TBL1Y: variants seen among roughly 807,000 people sequenced by gnomAD.
The protein encoded by TBL1Y is transducin beta like 1 Y-linked, also known as F-box-like/WD repeat-containing protein TBL1Y.
A neutral mutation model predicts 12.0 loss-of-function variants in TBL1Y; 15 were observed. The observed-to-expected ratio is 1.25, with a 90% CI of 0.83 to 1.92. TBL1Y has a LOEUF of 1.92. TBL1Y is among the 40% of genes most tolerant of loss of function. The probability of loss-of-function intolerance (pLI) is 0.00; values close to 1 mark genes in which losing one functional copy is unlikely to be tolerated. For missense variants in TBL1Y, 148 were observed against 116.7 expected (o/e 1.27, Z -1.24); for synonymous variants, 53 against 42.6 (o/e 1.24, Z -0.95).
chrY:7,037,552 T>G, intron 6 of TBL1Y, among the ~76,000 whole-genome samples: 1 of 33,684 alleles, frequency 3.0e-5, no homozygotes, highest in African/African-American at 1.2e-4. Flanking sequence ...CAACTGTATA[T>G]AAAAGCAGGT....
chrY:7,087,572 A>G, intron 17 of TBL1Y, 140 bp downstream of exon 17: 1 of 151,889 alleles, frequency 6.6e-6, no homozygotes, highest in East Asian at 1.5e-4. Flanking sequence ...GATGCTGTCC[A>G]TCTTGCACCC....
intron 2 of TBL1Y, among the ~76,000 whole-genome samples, chrY:6,945,845 T>C: frequency 5.9e-5 from 2 of 33,903 alleles, no homozygotes; most frequent in Admixed American, 5.3e-4. Flanking sequence ...TTACCTTCCA[T>C]GGAAACCCAG....
intron 2 of TBL1Y, among the ~76,000 whole-genome samples, chrY:6,948,074 A>G: frequency 6.0e-5 from 2 of 33,611 alleles, no homozygotes; most frequent in African/African-American, 1.2e-4. Context: ...AATAGTATGG[A>G]TTTAAAAAAT....
chrY:7,064,783 G>A (rs184804870), intron 8 of TBL1Y, among the ~76,000 whole-genome samples: 40 of 33,127 alleles, frequency 1.2e-3, no homozygotes, highest in African/African-American at 4.4e-3. Context: ...TGGGTGGGAG[G>A]GTGTGTATAT....
intron 7 of TBL1Y, among the ~76,000 whole-genome samples, chrY:7,059,879 A>C: frequency 3.0e-5 from 1 of 33,475 alleles, no homozygotes; most frequent in African/African-American, 1.2e-4. Context: ...TTAGTGTTAA[A>C]CTTAGTTTTA....
intron 6 of TBL1Y, among the ~76,000 whole-genome samples, chrY:7,041,398 C>T (rs2012721158): frequency 3.0e-5 from 1 of 33,340 alleles, no homozygotes; most frequent in Non-Finnish European, 7.4e-5. Flanking sequence ...GCAGTGAGGT[C>T]CTGCTTCATC....
At chrY:7,062,684 T>G in intron 7 of TBL1Y, among the ~76,000 whole-genome samples, 1 of 33,236 alleles carries the variant, frequency 3.0e-5, no homozygotes, top group Non-Finnish European at 7.4e-5. Context: ...TGGAAATTTC[T>G]TGCCTTTTGG....
intron 17 of TBL1Y, among the ~76,000 whole-genome samples, chrY:7,088,890 G>A (rs2013156845): frequency 3.0e-5 from 1 of 33,854 alleles, no homozygotes; most frequent in African/African-American, 1.2e-4. Flanking sequence ...TTTTGAGACA[G>A]CCCTCCTGGT....
chrY:7,062,563 C>G (rs2012879943), intron 7 of TBL1Y, among the ~76,000 whole-genome samples: 1 of 33,471 alleles, frequency 3.0e-5, no homozygotes, highest in African/African-American at 1.2e-4. Context: ...TCCCTGCTCC[C>G]TGTCTTGCTT....
chrY:7,014,195 C>A (rs867476086), intron 4 of TBL1Y, among the ~76,000 whole-genome samples: 11 of 32,992 alleles, frequency 3.3e-4, no homozygotes, highest in Admixed American at 1.4e-3. Context: ...GGAGTAACTT[C>A]TCATAGTTTA....
At chrY:6,958,814 A>G in intron 2 of TBL1Y, among the ~76,000 whole-genome samples, 1 of 34,180 alleles carries the variant, frequency 2.9e-5, no homozygotes, top group South Asian at 6.7e-4. Flanking sequence ...CTCACCTCCT[A>G]CCATAGGGCG....
chrY:6,971,136 C>T (rs2012204150), intron 2 of TBL1Y, among the ~76,000 whole-genome samples: 1 of 33,733 alleles, frequency 3.0e-5, no homozygotes, highest in African/African-American at 1.2e-4. Flanking sequence ...AGCACAAACT[C>T]ATAAAGACGT....
At chrY:6,912,855 A>C (rs2011706983) in intron 2 of TBL1Y, among the ~76,000 whole-genome samples, 1 of 30,463 alleles carries the variant, frequency 3.3e-5, no homozygotes, top group Non-Finnish European at 7.9e-5. Context: ...AAAAAAAAAA[A>C]CACTGTGTGC....
At chrY:7,009,794 G>T in intron 4 of TBL1Y, among the ~76,000 whole-genome samples, 1 of 32,942 alleles carries the variant, frequency 3.0e-5, no homozygotes, top group Admixed American at 2.8e-4. Context: ...CCAGCACTTT[G>T]GGAGGCTGAG....
intron 7 of TBL1Y, among the ~76,000 whole-genome samples, chrY:7,050,866 A>ACAC (rs2012793829): frequency 4.0e-5 from 1 of 24,740 alleles, no homozygotes; most frequent in South Asian, 1.2e-3. Flanking sequence ...CACACACACA[A>ACAC]TGTACATATA....
intron 7 of TBL1Y, among the ~76,000 whole-genome samples, chrY:7,048,962 A>G: frequency 3.0e-5 from 1 of 32,788 alleles, no homozygotes; most frequent in Non-Finnish European, 7.5e-5. Context: ...TACATGTACC[A>G]TGCTGGTGTG....
At chrY:6,963,875 G>A in intron 2 of TBL1Y, among the ~76,000 whole-genome samples, 2 of 33,866 alleles carry the variant, frequency 5.9e-5, no homozygotes, top group Non-Finnish European at 1.5e-4. Context: ...TTGTTGCGGG[G>A]CCTGGGGCTG....
intron 2 of TBL1Y, among the ~76,000 whole-genome samples, chrY:6,956,682 G>GTCCATAGCACTAATGAGGTCCTCTGGACC (rs2012071177): frequency 3.1e-5 from 1 of 32,610 alleles, no homozygotes; most frequent in African/African-American, 1.2e-4. Flanking sequence ...GGAACAAGTG[G>GTCCATAGCACTAATGAGGTCCTCTGGACC]TCCATAGCAC....
At chrY:6,979,058 C>T (rs1603032982) in intron 3 of TBL1Y, among the ~76,000 whole-genome samples, 8 of 32,380 alleles carry the variant, frequency 2.5e-4, no homozygotes, top group Non-Finnish European at 6.0e-4. Flanking sequence ...CCTCAGCCTC[C>T]TGAGGAGCTG....
Sources: allele counts gnomAD v4.1 joint callset (sites outside exome capture counted in the v4.1 genomes callset), GRCh38; gene constraint gnomAD v4.1.1; transcripts MANE v1.5; gene names NCBI Gene and HGNC (gene_info 2026-07-23, HGNC 2026-07-21).